PCTP: variants seen among roughly 807,000 people sequenced by gnomAD.
The protein encoded by PCTP is START domain-containing protein 2.
A neutral mutation model predicts 31.0 loss-of-function variants in PCTP; 27 were observed. That is an observed-to-expected ratio of 0.87 (90% CI 0.64 to 1.20). The LOEUF is 1.20. PCTP is among the 50% of genes most tolerant of loss of function. The pLI is 0.00. For missense variants in PCTP, 287 were observed against 268.2 expected (o/e 1.07, Z -0.49); for synonymous variants, 108 against 101.2 (o/e 1.07, Z -0.40).
At chr17:55,819,414 G>GA (rs1295739782) in intron 3 of PCTP, among the ~76,000 whole-genome samples, 25 of 152,112 alleles carry the variant, frequency 1.6e-4, no homozygotes, top group African/African-American at 6.0e-4. Flanking sequence ...TGAAAAAGAA[G>GA]AACAAAATTG....
At chr17:55,766,243 T>C (rs966606871) in intron 1 of PCTP, among the ~76,000 whole-genome samples, 6 of 151,714 alleles carry the variant, frequency 4.0e-5, no homozygotes, top group African/African-American at 1.5e-4. Context: ...ATGAACGTCG[T>C]CATCAGCTGC....
intron 3 of PCTP, among the ~76,000 whole-genome samples, chr17:55,798,204 A>G (rs1164847862): frequency 6.6e-6 from 1 of 152,052 alleles, no homozygotes; most frequent in African/African-American, 2.4e-5. Flanking sequence ...TAGAAAATGT[A>G]GAAAAGGGTC....
chr17:55,820,841 C>A (rs1433523502), intron 3 of PCTP, among the ~76,000 whole-genome samples: 2 of 152,130 alleles, frequency 1.3e-5, no homozygotes, highest in Non-Finnish European at 2.9e-5. Flanking sequence ...CACTTCACAC[C>A]CATTAGGATG....
chr17:55,803,442 C>T (rs1293662182), intron 3 of PCTP, among the ~76,000 whole-genome samples: 1 of 152,188 alleles, frequency 6.6e-6, no homozygotes, highest in South Asian at 2.1e-4. Context: ...AGGCATCACA[C>T]TACTTGACTT....
chr17:55,764,119 G>A lies in PCTP; in HGVS notation c.142-3216G>A, dbSNP rs527554413. Among the ~76,000 whole-genome samples the A allele has an allele frequency of 2.6e-5, 4 of 152,274 alleles. No homozygotes were observed. The East Asian group carries it at 7.7e-4, about 29-fold the overall frequency. ...ATATAACAGGATGGAAGTCACTATG[G>A]GTTGTAACTACATTCAGGAGAAGAA... On this transcript the variant is annotated intron_variant, in intron 1 of 5. Transcript: ENST00000268896.
At chr17:55,801,758 A>G (rs1336548871) in intron 3 of PCTP, among the ~76,000 whole-genome samples, 1 of 152,216 alleles carries the variant, frequency 6.6e-6, no homozygotes, top group Admixed American at 6.5e-5. Flanking sequence ...CACAGGAGAA[A>G]GTGGGCAAGA....
intron 3 of PCTP, among the ~76,000 whole-genome samples, chr17:55,820,001 C>T (rs188894771): frequency 2.6e-5 from 4 of 152,102 alleles, no homozygotes; most frequent in Middle Eastern, 3.4e-3. Context: ...CACCTGCCAC[C>T]GTATATAAAA....
intron 1 of PCTP, among the ~76,000 whole-genome samples, chr17:55,757,288 G>A (rs1039490763): frequency 2.1e-4 from 31 of 150,416 alleles, no homozygotes; most frequent in African/African-American, 7.6e-4. Context: ...ATGTGTGTGT[G>A]TGCATATATA....
At chr17:55,778,052 G>T (rs1911426027), downstream of PCTP, among the ~76,000 whole-genome samples, 1 of 152,110 alleles carries the variant, frequency 6.6e-6, no homozygotes, top group Non-Finnish European at 1.5e-5. Flanking sequence ...GAGTTTCTAG[G>T]TAAGGTACTT....
At position 55,794,026 on chromosome 17, in the gene PCTP, TGA is replaced by T. The variant is rs559041236; in HGVS notation, c.317+6378_317+6379del. Among the ~76,000 whole-genome samples the T allele has an allele frequency of 1.5e-3, 221 of 152,204 alleles. 1 individual carries two copies. Among genetic ancestry groups the T allele is most frequent in the African/African-American group, 5.0e-3 (208 of 41,548 alleles). On this transcript the variant is annotated intron_variant, in intron 3 of 3. Transcript: ENST00000572536. Reference sequence around the variant, plus strand: ...ACAAAAGTTGGCTGCATTGCAGAAATGAGAGAGTTACTCCTAGATGACATTTA... The same window carrying T: ...ACAAAAGTTGGCTGCATTGCAGAAATGAGAGTTACTCCTAGATGACATTTA...
Position 55,762,552 on chromosome 17 carries a change from C to A in PCTP, c.142-4783C>A, listed in dbSNP as rs141651998. Among the ~76,000 whole-genome samples the A allele has an allele frequency of 4.3e-3, 661 of 152,054 alleles. 4 individuals are homozygous for A. Among genetic ancestry groups the A allele is most frequent in the African/African-American group, 0.015 (620 of 41,462 alleles). On this transcript the variant is annotated intron_variant, in intron 1 of 5. Transcript: ENST00000268896. ...TGTCAATTAGGATTGTTTTTAGCTA[C>A]AAGTAATAGAAAATTGGACAATCAA...
intron 2 of PCTP, among the ~76,000 whole-genome samples, chr17:55,783,276 A>G (rs1035556862): frequency 6.6e-6 from 1 of 152,192 alleles, no homozygotes; most frequent in Non-Finnish European, 1.5e-5. Flanking sequence ...ACTCAACAGA[A>G]TGATATTACT....
intron 3 of PCTP, among the ~76,000 whole-genome samples, chr17:55,816,226 A>C (rs1433551882): frequency 6.6e-6 from 1 of 152,182 alleles, no homozygotes; most frequent in East Asian, 1.9e-4. Flanking sequence ...ATCACCCCCA[A>C]AGAAATCCCA....
At chr17:55,780,087 G>T (rs896948940), downstream of PCTP, among the ~76,000 whole-genome samples, 1 of 140,402 alleles carries the variant, frequency 7.1e-6, no homozygotes, top group Non-Finnish European at 1.5e-5. Context: ...CTGCAAGGAA[G>T]AACTTTTTTT....
intron 5 of PCTP, among the ~76,000 whole-genome samples, chr17:55,833,901 T>C (rs1026518809): frequency 6.6e-6 from 1 of 152,248 alleles, no homozygotes; most frequent in Non-Finnish European, 1.5e-5. Flanking sequence ...CTTCAAATCC[T>C]TCACATATCA....
chr17:55,757,516 A>G lies in PCTP; in HGVS notation c.141+6272A>G, dbSNP rs141546361. ...TGTGGAAAATACTATATGTGTATAT[A>G]TATACACACACATATAGTATATATG... is the stretch of plus-strand genomic sequence containing the variant. On this transcript the variant is annotated intron_variant, in intron 1 of 5. Coordinates refer to ENST00000268896, the MANE Select transcript of PCTP (RefSeq NM_021213.4). 1.4e-5 allele frequency among the ~76,000 whole-genome samples: 2 copies of G among 147,010 alleles called. 1 individual carries two copies. Among genetic ancestry groups the G allele is most frequent in the East Asian group, 4.2e-4 (2 of 4,730 alleles).
At chr17:55,759,655 G>A (rs1027500192) in intron 1 of PCTP, among the ~76,000 whole-genome samples, 18 of 152,120 alleles carry the variant, frequency 1.2e-4, no homozygotes, top group African/African-American at 4.3e-4. Context: ...AGAACTCAAT[G>A]CACACTCATG....
chr17:55,780,164 A>G (rs1346049480), downstream of PCTP, among the ~76,000 whole-genome samples: 1 of 152,122 alleles, frequency 6.6e-6, no homozygotes, highest in Middle Eastern at 3.2e-3. Flanking sequence ...TTTAGAACCA[A>G]CAAAATGGGA....
At chr17:55,786,421 G>A (rs145604414) in intron 2 of PCTP, among the ~76,000 whole-genome samples, 10 of 152,238 alleles carry the variant, frequency 6.6e-5, no homozygotes, top group Non-Finnish European at 7.4e-5. Context: ...AATGGGTGCA[G>A]CACACCAACA....
Sources: gnomAD v4.1 joint callset for allele counts (sites outside exome capture counted in the v4.1 genomes callset) on GRCh38, gnomAD v4.1.1 for gene constraint, MANE v1.5 for transcripts, NCBI Gene and HGNC (gene_info 2026-07-23, HGNC 2026-07-21) for gene names.